The following KRT3 variants were observed in gnomAD, a reference collection of about 807,000 sequenced individuals.
KRT3 encodes the protein keratin 3.
Under a neutral mutation model 45.8 loss-of-function variants are expected in KRT3, and 34 were observed. The observed-to-expected ratio is 0.74, with a 90% confidence interval of 0.57 to 0.99. The LOEUF (loss-of-function observed/expected upper bound fraction) is 0.99, where lower values mean the gene tolerates loss of function less well. Ranked by LOEUF, KRT3 falls within the 50% of genes least tolerant of loss-of-function variation. The probability of loss-of-function intolerance (pLI) is 0.00; values close to 1 mark genes in which losing one functional copy is unlikely to be tolerated. For missense variants in KRT3, 828 were observed against 820.6 expected, an observed-to-expected ratio of 1.01 and a Z score of -0.11; for synonymous variants, 367 against 329.0, an observed-to-expected ratio of 1.12 and a Z score of -1.25.
rs776707045 is a variant in KRT3, at chr12:52,790,860, C to T, written c.1548G>A (p.Glu516=). 2 of 1,598,440 alleles carry T rather than the reference C, an allele frequency of 1.3e-6. No individual in the cohort carries two copies. The highest frequency in any genetic ancestry group is 2.3e-5 in the South Asian group (2 of 87,904). The change falls in exon 8 of 9, where the codon GAG becomes GAA. Residue 516 remains glutamate, a synonymous_variant. Transcript: ENST00000417996. ...LEGEEYRMSG[E]CPSAVSISVV... ...TACAGATGCTGACAGCACTCGGACA[C>T]TCTCCAGACATCCTGTTTGAGAAAG...
Position 52,792,723 on chromosome 12 carries a change from G to C in KRT3, c.1011C>G (p.Thr337=). 6.2e-7 allele frequency: 1 copy of C among 1,609,366 alleles called. No individual in the cohort carries two copies. Among genetic ancestry groups the C allele is most frequent in the Non-Finnish European group, 8.5e-7 (1 of 1,175,732 alleles). The change falls in exon 4 of 9, where the codon ACC becomes ACG. Residue 337 remains threonine (T), a synonymous_variant. Coordinates refer to ENST00000417996, the MANE Select transcript of KRT3 (RefSeq NM_057088.3). ...ALIDEIDFLR[T]LYDAELSQMQ... ...GTAACATCCTTACAGCGTCGTAGAGGGTCCTTAAGAAGTCGATCTCATCTA... is the reference window on the plus strand; with the variant it reads ...GTAACATCCTTACAGCGTCGTAGAGCGTCCTTAAGAAGTCGATCTCATCTA...
At position 52,793,203 on chromosome 12, in the gene KRT3, T is replaced by G. The variant is rs762715105; in HGVS notation, c.887A>C (p.Lys296Thr). The change falls in exon 3 of 9, where the codon AAA (lysine) becomes ACA (threonine). Residue 296 changes from lysine to threonine, a missense_variant. By Grantham distance (78) the Lys-to-Thr change is moderately conservative. Coordinates refer to ENST00000417996, the MANE Select transcript of KRT3 (RefSeq NM_057088.3). Reference protein sequence around the residue: ...FKKKYEDEINKRTAAENEFVT... With the variant: ...FKKKYEDEINTRTAAENEFVT... ...AAATTCATTCTCAGCAGCTGTACGT[T>G]TATTGATTTCATCCTCATATCTGTG... The G allele has an allele frequency of 1.9e-6, 3 of 1,609,214 alleles. No homozygotes were observed. The South Asian group carries it at 3.3e-5, about 18-fold the overall frequency.
rs758934729 is a variant in KRT3, at chr12:52,791,642, C to T, written c.1314+49G>A. Reference sequence around the variant, plus strand: ...GGGGAGGAGTCCTGAGATCCTAGCCCCTGCCCCTCAGCAATCATCCCAGGT... The same window carrying T: ...GGGGAGGAGTCCTGAGATCCTAGCCTCTGCCCCTCAGCAATCATCCCAGGT... On this transcript the variant is annotated intron_variant, in intron 6 of 8. Transcript: ENST00000417996. 3.1e-6 allele frequency: 5 copies of T among 1,612,186 alleles called. No individual in the cohort carries two copies. The South Asian group carries it at 3.3e-5, about 11-fold the overall frequency.
Position 52,795,407 on chromosome 12 carries a change from G to A in KRT3, c.636C>T (p.Phe212=). The change falls in exon 1 of 9, where the codon TTC becomes TTT. Residue 212 remains phenylalanine (F), a synonymous_variant. Transcript: ENST00000417996. ...GTCAAAGCTTCATTACCTTGTCAAT[G>A]AAGGAGGCAAACTTGTTGTTGAGGG... is the stretch of plus-strand genomic sequence containing the variant. The part of the protein sequence containing the change: ...IKTLNNKFAS[F]IDKVRFLEQQ... 2 of 1,614,190 alleles carry A rather than the reference G, an allele frequency of 1.2e-6. No individual in the cohort carries two copies. Among genetic ancestry groups the A allele is most frequent in the Non-Finnish European group, 8.5e-7 (1 of 1,180,034 alleles).
chr12:52,789,914 G>A lies in KRT3; in HGVS notation c.*128C>T, dbSNP rs2121214850. 2 of 955,534 alleles carry A rather than the reference G, an allele frequency of 2.1e-6. No homozygotes were observed. Among genetic ancestry groups the A allele is most frequent in the Non-Finnish European group, 3.2e-6 (2 of 625,320 alleles). The allele number at this position is 955,534 out of a possible 1,614,324, so 59.2% of individuals were successfully genotyped here. A position where few individuals can be genotyped will look rare whatever the true frequency, so the allele number is the denominator to read the frequency against. On this transcript the variant is annotated 3_prime_UTR_variant, in exon 9 of 9. Transcript: ENST00000417996. ...GGGGATCTGGAAGGAGGAGCAAGAGGCCACAAGCCTTCCAGCGCAGAGCCG... is the reference window on the plus strand; with the variant it reads ...GGGGATCTGGAAGGAGGAGCAAGAGACCACAAGCCTTCCAGCGCAGAGCCG...
At position 52,790,828 on chromosome 12, in the gene KRT3, C is replaced by G. The variant is rs377541514; in HGVS notation, c.1570+10G>C. 1 of 1,588,206 alleles carries G rather than the reference C, an allele frequency of 6.3e-7. No individual in the cohort carries two copies. The highest frequency in any genetic ancestry group is 8.6e-7 in the Non-Finnish European group (1 of 1,165,506). ...TAACTCTCATTTTCTTAGCTACTTT[C>G]GGTACTTACAGATGCTGACAGCACT... is the stretch of plus-strand genomic sequence containing the variant. On this transcript the variant is annotated intron_variant, in intron 8 of 8. Transcript: ENST00000417996.
intron 2 of KRT3, 50 bp downstream of exon 2, chr12:52,794,061 C>T: frequency 1.4e-6 from 2 of 1,468,176 alleles, no homozygotes; most frequent in Non-Finnish European, 1.9e-6. Flanking sequence ...GGCCAAGACT[C>T]TGAGACAGGG....
intron 4 of KRT3, 34 bp from the exon 5 acceptor site, chr12:52,792,437 G>A (rs2121220359): frequency 6.2e-7 from 1 of 1,608,770 alleles, no homozygotes; most frequent in South Asian, 1.1e-5. Context: ...TCACTTTTGG[G>A]GTCCCTGTAA....
Position 52,790,891 on chromosome 12 carries a change from G to A in KRT3, c.1536-19C>T. On this transcript the variant is annotated intron_variant, in intron 7 of 8. Coordinates refer to ENST00000417996, the MANE Select transcript of KRT3 (RefSeq NM_057088.3). ...AGACATCCTGTTTGAGAAAGCAAGA[G>A]AAAGTGGGCCCCGTCACAAAGCACA... 5 of 1,589,704 alleles carry A rather than the reference G, an allele frequency of 3.1e-6. No homozygotes were observed. The highest frequency in any genetic ancestry group is 4.3e-6 in the Non-Finnish European group (5 of 1,167,994).
rs372108723 is a variant in KRT3, at chr12:52,792,265, C to T, written c.1162G>A (p.Glu388Lys). ...TTGGTCTGGTACAGGGCCTCAGCTT[C>T]GGCCTTGCTTCTCTGAGCGATATCC... Reference protein sequence around the residue: ...YEDIAQRSKAEAEALYQTKLG... With the variant: ...YEDIAQRSKAKAEALYQTKLG... The change falls in exon 5 of 9, where the codon GAA becomes AAA. Residue 388 changes from glutamate to lysine, a missense_variant. By Grantham distance (56) the Glu-to-Lys change is moderately conservative. Transcript: ENST00000417996. The T allele has an allele frequency of 1.8e-5, 29 of 1,614,004 alleles. No homozygotes were observed. Among genetic ancestry groups the T allele is most frequent in the East Asian group, 1.3e-4 (6 of 44,896 alleles).
In KRT3 at chr12:52,789,999, G is replaced by T; in HGVS notation, c.*43C>A. Reference sequence around the variant, plus strand: ...TTGCCAATATGGGGGCGTGGGGAGCGGAGGGGAGGCGCTGGAGTGGCTGCG... The same window carrying T: ...TTGCCAATATGGGGGCGTGGGGAGCTGAGGGGAGGCGCTGGAGTGGCTGCG... On this transcript the variant is annotated 3_prime_UTR_variant, in exon 9 of 9. Coordinates refer to ENST00000417996, the MANE Select transcript of KRT3 (RefSeq NM_057088.3). 1 of 1,521,646 alleles carries T rather than the reference G, an allele frequency of 6.6e-7. No homozygotes were observed. Among genetic ancestry groups the T allele is most frequent in the Non-Finnish European group, 8.8e-7 (1 of 1,132,390 alleles). The allele number at this position is 1,521,646 out of a possible 1,614,324, so 94.3% of individuals were successfully genotyped here. A position where few individuals can be genotyped will look rare whatever the true frequency, so the allele number is the denominator to read the frequency against.
chr12:52,794,015 A>G, intron 2 of KRT3, 96 bp downstream of exon 2: 1 of 877,108 alleles, frequency 1.1e-6, no homozygotes, highest in Non-Finnish European at 1.8e-6. Flanking sequence ...GGGCCAGGAG[A>G]CGCCACTGCC....
intron 8 of KRT3, 61 bp downstream of exon 8, chr12:52,790,777 C>A: frequency 3.6e-6 from 5 of 1,371,192 alleles, no homozygotes; most frequent in Non-Finnish European, 5.1e-6. Context: ...TGCTACTACC[C>A]TGGATTAGTG....
rs1939490548 is a variant in KRT3, at chr12:52,791,316, C to T, written c.1425G>A (p.Lys475=). The T allele has an allele frequency of 6.2e-7, 1 of 1,614,142 alleles. No individual in the cohort carries two copies. Among genetic ancestry groups the T allele is most frequent in the South Asian group, 1.1e-5 (1 of 91,094 alleles). The change falls in exon 7 of 9, where the codon AAG becomes AAA. Residue 475 remains lysine, a synonymous_variant. Coordinates refer to ENST00000417996, the MANE Select transcript of KRT3 (RefSeq NM_057088.3). ...CACGTAGCAGCCGCGCCAGGTCATC[C>T]TTCGCCTGCTGTAGAGCAGCCTGCA... The part of the protein sequence containing the change: ...QELQAALQQA[K]DDLARLLRDY...
Position 52,795,796 on chromosome 12 carries a change from C to G in KRT3, c.247G>C (p.Gly83Arg), listed in dbSNP as rs1324645928. ...CCTGCAAAGGCACAGCTGCTCCGCCCTCCCCCAAAGCCTCCAGCCCGGGAG... is the reference window on the plus strand; with the variant it reads ...CCTGCAAAGGCACAGCTGCTCCGCCGTCCCCCAAAGCCTCCAGCCCGGGAG... ...GGSRAGGFGG[G>R]RSSCAFAGGY... Residue 83 changes from glycine to arginine, a missense_variant, in exon 1 of 9, where the codon GGG (glycine) becomes CGG (arginine). Transcript: ENST00000417996. 1 of 1,613,938 alleles carries G rather than the reference C, an allele frequency of 6.2e-7. No homozygotes were observed. The highest frequency in any genetic ancestry group is 1.3e-5 in the African/African-American group (1 of 74,934).
At position 52,792,849 on chromosome 12, in the gene KRT3, A is replaced by G. The variant is rs942974279; in HGVS notation, c.928-43T>C. ...TAAAGGCCTTATTCTCCCAATGAACAAACAGCAAACCACAACTGCAGCAAG... is the reference window on the plus strand; with the variant it reads ...TAAAGGCCTTATTCTCCCAATGAACGAACAGCAAACCACAACTGCAGCAAG... On this transcript the variant is annotated intron_variant, in intron 3 of 8. Coordinates refer to ENST00000417996, the MANE Select transcript of KRT3 (RefSeq NM_057088.3). The G allele has an allele frequency of 9.4e-6, 12 of 1,274,654 alleles. No individual in the cohort carries two copies. The Admixed American group carries it at 1.4e-4, about 14-fold the overall frequency. The allele number at this position is 1,274,654 out of a possible 1,614,324, so 79.0% of individuals were successfully genotyped here.
Position 52,790,261 on chromosome 12 carries a change from C to T in KRT3, c.1668G>A (p.Ala556=), listed in dbSNP as rs1016369496. The change falls in exon 9 of 9, where the codon GCG becomes GCA. Residue 556 remains alanine (A), a synonymous_variant. Coordinates refer to ENST00000417996, the MANE Select transcript of KRT3 (RefSeq NM_057088.3). ...MGGGLGGGFS[A]GGGSGSGFGR... is the part of the protein sequence containing the mutation. Reference sequence around the variant, plus strand: ...CAAAGCCACTGCCTGAGCCGCCGCCCGCACTGAAGCCACCTCCTAAACCAC... The same window carrying T: ...CAAAGCCACTGCCTGAGCCGCCGCCTGCACTGAAGCCACCTCCTAAACCAC... 2.6e-6 allele frequency: 4 copies of T among 1,551,296 alleles called. No individual in the cohort carries two copies. The African/African-American group carries it at 4.1e-5, about 16-fold the overall frequency.
At chr12:52,794,475 G>A in intron 1 of KRT3, 144 bp from the exon 2 acceptor site, 1 of 634,940 alleles carries the variant, frequency 1.6e-6, no homozygotes, top group Non-Finnish European at 2.8e-6. Flanking sequence ...TCCTACTGTA[G>A]TCAGAGAGAT....
chr12:52,790,816 C>A, intron 8 of KRT3, 22 bp downstream of exon 8: 1 of 1,572,690 alleles, frequency 6.4e-7, no homozygotes, highest in Non-Finnish European at 8.7e-7. Flanking sequence ...CTCTCATTTT[C>A]TTAGCTACTT....
Sources: allele counts gnomAD v4.1 joint callset, GRCh38; gene constraint gnomAD v4.1.1; transcripts MANE v1.5; gene names NCBI Gene and HGNC (gene_info 2026-07-23, HGNC 2026-07-21).